Variants in WNK2 observed in about 807,000 individuals in gnomAD.
The protein encoded by WNK2 is serine/threonine-protein kinase WNK2.
Under a neutral mutation model 192.1 loss-of-function variants are expected in WNK2, and 67 were observed. That is an observed-to-expected ratio of 0.35 (90% CI 0.29 to 0.43). The LOEUF (loss-of-function observed/expected upper bound fraction) is 0.43, where lower values mean the gene tolerates loss of function less well. WNK2 is among the 20% of genes least tolerant of loss of function. WNK2 has a pLI of 1.00. For missense variants in WNK2, 2,698 were observed against 3,089.7 expected (o/e 0.87, Z 3.01); for synonymous variants, 1,439 against 1,393.9 (o/e 1.03, Z -0.72).
chr9:93,297,985 A>T lies in WNK2; in HGVS notation c.5841A>T (p.Arg1947Ser). The T allele has an allele frequency of 6.4e-7, 1 of 1,563,800 alleles. No individual in the cohort carries two copies. The highest frequency in any genetic ancestry group is 8.7e-7 in the Non-Finnish European group (1 of 1,155,158). The part of the protein sequence containing the change: ...FHTAPPTGRR[R>S]KTSKSKLKAG... ...CGGCACCCCCCACTGGCCGCCGGAG[A>T]AAAACCAGCAAGAGCAAGCTGAAGG... The change falls in exon 24 of 30, where the codon AGA (arginine) becomes AGT (serine). Residue 1947 changes from arginine to serine, a missense_variant. Arg to Ser is a moderately radical substitution (Grantham distance 110). Around this residue, in one of 7 missense-constraint regions of WNK2, gnomAD observed 1,098 missense variants for 1,101.0 expected, o/e 1.00. Coordinates refer to ENST00000427277, the MANE Select transcript of WNK2 (RefSeq NM_006648.4).
intron 23 of WNK2, among the ~76,000 whole-genome samples, chr9:93,296,252 C>G (rs1297361213): frequency 6.8e-5 from 2 of 29,508 alleles, no homozygotes; most frequent in African/African-American, 1.7e-4. Flanking sequence ...TTCCTCCCCT[C>G]TCCATCGTCC....
At chr9:93,303,922 G>A (rs936412204) in intron 26 of WNK2, among the ~76,000 whole-genome samples, 7 of 152,232 alleles carry the variant, frequency 4.6e-5, no homozygotes, top group African/African-American at 1.7e-4. Context: ...AAGGGAGCCA[G>A]TGCTGACCAT....
chr9:93,200,069 T>C (rs1373182465), intron 2 of WNK2, among the ~76,000 whole-genome samples: 1 of 152,056 alleles, frequency 6.6e-6, no homozygotes, highest in East Asian at 1.9e-4. Context: ...GCTGCCTGGC[T>C]TAGTCTCAGC....
chr9:93,185,735 C>T, intron 2 of WNK2, 125 bp downstream of exon 2: 1 of 1,147,966 alleles, frequency 8.7e-7, no homozygotes, highest in Non-Finnish European at 1.2e-6. Flanking sequence ...CCATGTGTGT[C>T]ACCCTCTGTG....
Position 93,185,479 on chromosome 9 carries a change from A to G in WNK2, c.550A>G (p.Lys184Glu), listed in dbSNP as rs1829124208. Residue 184 changes from lysine to glutamate, a missense_variant, in exon 2 of 30, where the codon AAG becomes GAG. By Grantham distance (56) the Lys-to-Glu change is moderately conservative (BLOSUM62 1). Coordinates refer to ENST00000427277, the MANE Select transcript of WNK2 (RefSeq NM_006648.4). ...GGAGGAGGACGACGAGGACGACCTC[A>G]AGGCCGTGGCCACCTCTCTGGACGG... The part of the protein sequence containing the change: ...EEEEDDEDDL[K>E]AVATSLDGRF... 6.2e-7 allele frequency: 1 copy of G among 1,612,654 alleles called. No individual in the cohort carries two copies. Among genetic ancestry groups the G allele is most frequent in the African/African-American group, 1.3e-5 (1 of 74,934 alleles).
At chr9:93,211,269 C>G (rs62646616) in intron 2 of WNK2, among the ~76,000 whole-genome samples, 2 of 82,078 alleles carry the variant, frequency 2.4e-5, no homozygotes, top group African/African-American at 9.0e-5. Flanking sequence ...CACTCATTCA[C>G]TCACTCATCC....
chr9:93,318,592 G>A, intron 29 of WNK2: 1 of 1,608,366 alleles, frequency 6.2e-7, no homozygotes, highest in Non-Finnish European at 8.5e-7. Flanking sequence ...AGAAACCCTG[G>A]CTGCCCGCCC....
In WNK2 at chr9:93,230,987, C is replaced by T. The variant is rs778801137; in HGVS notation, c.954C>T (p.Pro318=). 1.2e-6 allele frequency: 2 copies of T among 1,613,908 alleles called. No individual in the cohort carries two copies. Among genetic ancestry groups the T allele is most frequent in the Admixed American group, 1.7e-5 (1 of 60,020 alleles). The change falls in exon 4 of 30, where the codon CCC becomes CCT. Residue 318 remains proline, a synonymous_variant. Transcript: ENST00000427277. ...GLLFLHTRTP[P]IIHRDLKCDN... is the part of the protein sequence containing the mutation. ...TGTTCCTGCACACAAGGACGCCACC[C>T]ATCATCCACCGAGACCTGAAATGTG... is the stretch of plus-strand genomic sequence containing the variant.
chr9:93,208,325 A>G (rs1833764165), intron 2 of WNK2, among the ~76,000 whole-genome samples: 1 of 152,184 alleles, frequency 6.6e-6, no homozygotes, highest in African/African-American at 2.4e-5. Context: ...TAGAGGTAAC[A>G]CGTTTTTGTA....
At chr9:93,251,338 C>T (rs1409327763) in intron 8 of WNK2, among the ~76,000 whole-genome samples, 1 of 150,974 alleles carries the variant, frequency 6.6e-6, no homozygotes, top group Non-Finnish European at 1.5e-5. Context: ...AGGCTGGTCT[C>T]AAACCCCTGA....
In WNK2 at chr9:93,263,900, G is replaced by T; in HGVS notation, c.3580-17G>T. On this transcript the variant is annotated splice_polypyrimidine_tract_variant and intron_variant, in intron 15 of 29. Transcript: ENST00000427277. ...TGTGGGTACGCCCGTGGTGGGTGCTGATGCTGCCCCTTCCAGGTGTGCAAC... is the reference window on the plus strand; with the variant it reads ...TGTGGGTACGCCCGTGGTGGGTGCTTATGCTGCCCCTTCCAGGTGTGCAAC... The T allele has an allele frequency of 6.2e-7, 1 of 1,603,264 alleles. No homozygotes were observed. The highest frequency in any genetic ancestry group is 1.3e-5 in the African/African-American group (1 of 74,626).
intron 2 of WNK2, among the ~76,000 whole-genome samples, chr9:93,215,154 C>A (rs1450129698): frequency 1.3e-5 from 2 of 151,992 alleles, no homozygotes; most frequent in African/African-American, 4.8e-5. Context: ...TGGAGTCTTG[C>A]TCTGTTGCCC....
intron 16 of WNK2, among the ~76,000 whole-genome samples, chr9:93,266,285 G>A (rs776415456): frequency 2.0e-4 from 30 of 152,126 alleles, no homozygotes; most frequent in Non-Finnish European, 4.0e-4. Flanking sequence ...GCAGGCCTTG[G>A]GTTCATCATT....
At chr9:93,193,562 A>G (rs1212620573) in intron 2 of WNK2, among the ~76,000 whole-genome samples, 1 of 152,186 alleles carries the variant, frequency 6.6e-6, no homozygotes, top group Non-Finnish European at 1.5e-5. Context: ...AGCTGCAGAT[A>G]AGGAAAAGGG....
Position 93,289,250 on chromosome 9 carries a change from T to C in WNK2, c.4496T>C (p.Leu1499Pro), listed in dbSNP as rs560781574. 3.1e-6 allele frequency: 5 copies of C among 1,604,490 alleles called. No homozygotes were observed. The Middle Eastern group carries it at 6.6e-4, about 213-fold the overall frequency. ...PQPALGQPAP[L>P]LPAAVGAVSL... Reference sequence around the variant, plus strand: ...CCCGCCTTGGGTCAACCTGCTCCCCTGCTTCCTGCCGCAGTGGGGGCCGTC... The same window carrying C: ...CCCGCCTTGGGTCAACCTGCTCCCCCGCTTCCTGCCGCAGTGGGGGCCGTC... Residue 1499 changes from leucine (L) to proline (P), a missense_variant, in exon 20 of 30, where the codon CTG (leucine) becomes CCG (proline). By Grantham distance (98) the Leu-to-Pro change is moderately conservative. This residue lies in a region of WNK2 where 1,098 missense variants were observed against 1,101.0 expected (regional missense o/e 1.00). Coordinates refer to ENST00000427277, the MANE Select transcript of WNK2 (RefSeq NM_006648.4).
intron 19 of WNK2, among the ~76,000 whole-genome samples, chr9:93,281,580 T>C (rs532672749): frequency 1.1e-3 from 173 of 151,630 alleles, no homozygotes; most frequent in South Asian, 2.3e-3. Context: ...CATCATGTAA[T>C]TGGAGTCCCA....
In WNK2 at chr9:93,263,686, G is replaced by A. The variant is rs531280559; in HGVS notation, c.3531G>A (p.Ala1177=). ...AACACCACCGCAGGTCCACGCGTGC[G>A]CGCTCCCGGCAGGAGAGGGCCAGCC... ...ARKHHRRSTR[A]RSRQERASRP... Residue 1177 remains alanine (A), a synonymous_variant, in exon 15 of 30, where the codon GCG becomes GCA. Coordinates refer to ENST00000427277, the MANE Select transcript of WNK2 (RefSeq NM_006648.4). 42 of 1,564,850 alleles carry A rather than the reference G, an allele frequency of 2.7e-5. No homozygotes were observed. The highest frequency in any genetic ancestry group is 2.0e-4 in the South Asian group (17 of 86,508).
At chr9:93,280,307 A>G (rs1261673887) in intron 19 of WNK2, among the ~76,000 whole-genome samples, 6 of 152,334 alleles carry the variant, frequency 3.9e-5, no homozygotes, top group Non-Finnish European at 1.5e-5. Context: ...GGAAATGCAA[A>G]TTAATACCAC....
chr9:93,297,819 GC>G, intron 23 of WNK2, 33 bp from the exon 24 acceptor site: 2 of 1,541,436 alleles, frequency 1.3e-6, no homozygotes, highest in Non-Finnish European at 1.8e-6. Context: ...CACCGAGGAA[GC>G]CCATCGGCGC....
Sources: allele counts gnomAD v4.1 joint callset (sites outside exome capture counted in the v4.1 genomes callset), GRCh38; gene constraint gnomAD v4.1.1; regional missense constraint gnomAD v4.1.1; transcripts MANE v1.5; gene names NCBI Gene and HGNC (gene_info 2026-07-23, HGNC 2026-07-21).